The following SYT9 variants were observed in gnomAD, a reference collection of about 807,000 sequenced individuals.
SYT9 encodes synaptotagmin 9.
A neutral mutation model predicts 48.4 loss-of-function variants in SYT9; 22 were observed. That is an observed-to-expected ratio of 0.45 (90% CI 0.32 to 0.65). The LOEUF is 0.65. Among genes scored for constraint, SYT9 ranks in the 30% least tolerant of loss-of-function variants. The pLI, the probability that SYT9 is intolerant of heterozygous loss-of-function variation, is 0.03. For missense variants in SYT9, 577 were observed against 622.0 expected (o/e 0.93, Z 0.77); for synonymous variants, 265 against 245.0 (o/e 1.08, Z -0.76).
chr11:7,378,784 C>T (rs1850502631), intron 3 of SYT9, among the ~76,000 whole-genome samples: 1 of 152,096 alleles, frequency 6.6e-6, no homozygotes, highest in Admixed American at 6.6e-5. Flanking sequence ...GGCATCTTTA[C>T]TAGAGAATCT....
intron 2 of SYT9, among the ~76,000 whole-genome samples, chr11:7,310,444 A>ATTTTTT (rs34469345): frequency 1.7e-5 from 2 of 115,044 alleles, no homozygotes; most frequent in Admixed American, 9.5e-5. Context: ...CATAACTGTG[A>ATTTTTT]TTTTTTTTTT....
chr11:7,365,751 A>C (rs960107279), intron 3 of SYT9, among the ~76,000 whole-genome samples: 1 of 152,090 alleles, frequency 6.6e-6, no homozygotes, highest in Non-Finnish European at 1.5e-5. Flanking sequence ...TGCTTTTTCT[A>C]GTTGCTGTAG....
intron 1 of SYT9, among the ~76,000 whole-genome samples, chr11:7,239,547 T>C (rs1238598613): frequency 6.6e-6 from 1 of 152,174 alleles, no homozygotes; most frequent in Non-Finnish European, 1.5e-5. Flanking sequence ...AAAAAAGTCA[T>C]ACTCCCTCAA....
chr11:7,275,969 C>A (rs1848381699), intron 1 of SYT9, among the ~76,000 whole-genome samples: 1 of 152,118 alleles, frequency 6.6e-6, no homozygotes, highest in South Asian at 2.1e-4. Flanking sequence ...ATTGTTTGCG[C>A]CTCACCCCCA....
chr11:7,416,445 G>A (rs910841130), intron 4 of SYT9, among the ~76,000 whole-genome samples: 3 of 152,062 alleles, frequency 2.0e-5, no homozygotes, highest in African/African-American at 4.8e-5. Flanking sequence ...TATATTAAGT[G>A]CTACATATTG....
intron 1 of SYT9, among the ~76,000 whole-genome samples, chr11:7,270,955 G>A (rs1848285304): frequency 6.6e-6 from 1 of 151,704 alleles, no homozygotes; most frequent in South Asian, 2.1e-4. Context: ...TGAGAAAGAC[G>A]AAGGAAGACT....
intron 3 of SYT9, among the ~76,000 whole-genome samples, chr11:7,378,932 A>G (rs551197589): frequency 0.03 from 4,498 of 152,256 alleles, 222 homozygotes; most frequent in African/African-American, 0.1. Flanking sequence ...TCAAAAGCCG[A>G]TAAAACACAC....
At chr11:7,419,222 G>A (rs1435144600) in intron 5 of SYT9, among the ~76,000 whole-genome samples, 1 of 152,204 alleles carries the variant, frequency 6.6e-6, no homozygotes, top group African/African-American at 2.4e-5. Context: ...TTAAGCTATT[G>A]CCAAGTTTCC....
chr11:7,378,257 A>G (rs983212704), intron 3 of SYT9, among the ~76,000 whole-genome samples: 4 of 152,040 alleles, frequency 2.6e-5, no homozygotes, highest in Non-Finnish European at 4.4e-5. Flanking sequence ...CTGATTGGAG[A>G]ATTGAGTATG....
chr11:7,429,085 G>A (rs1214022569), intron 6 of SYT9, among the ~76,000 whole-genome samples: 1 of 152,126 alleles, frequency 6.6e-6, no homozygotes, highest in East Asian at 1.9e-4. Flanking sequence ...CAGTCCTGTG[G>A]GCACCCATAC....
chr11:7,413,300 G>A (rs1847175190), intron 3 of SYT9, among the ~76,000 whole-genome samples: 1 of 152,226 alleles, frequency 6.6e-6, no homozygotes, highest in Admixed American at 6.5e-5. Flanking sequence ...GGTAGCATCA[G>A]TGGCATCAAA....
In SYT9 at chr11:7,256,971, C is replaced by T. The variant is rs147426718; in HGVS notation, c.145+4640C>T. On this transcript the variant is annotated intron_variant, in intron 1 of 6. Coordinates refer to ENST00000318881, the MANE Select transcript of SYT9 (RefSeq NM_175733.4). ...CTGCACATTAGGAATACTTAGGGAG[C>T]TGGAACAAACAAACAAAGAAAAAAC... 1.3e-3 allele frequency among the ~76,000 whole-genome samples: 197 copies of T among 152,248 alleles called. 1 individual carries two copies. Among genetic ancestry groups the T allele is most frequent in the African/African-American group, 4.6e-3 (192 of 41,550 alleles).
At chr11:7,287,211 G>A (rs1232009439) in intron 1 of SYT9, among the ~76,000 whole-genome samples, 6 of 152,194 alleles carry the variant, frequency 3.9e-5, no homozygotes, top group African/African-American at 9.7e-5. Context: ...TCACATGGCA[G>A]CAGCAAGAAG....
chr11:7,420,751 C>T, intron 6 of SYT9, 116 bp downstream of exon 6: 1 of 1,328,146 alleles, frequency 7.5e-7, no homozygotes, highest in South Asian at 1.5e-5. Flanking sequence ...ACGGGTTTTC[C>T]TGGTTGCATT....
At chr11:7,442,237 A>T (rs1381512726) in intron 6 of SYT9, among the ~76,000 whole-genome samples, 1 of 151,968 alleles carries the variant, frequency 6.6e-6, no homozygotes, top group African/African-American at 2.4e-5. Flanking sequence ...TCCTCTACAG[A>T]CCCAACGCTG....
intron 6 of SYT9, chr11:7,427,125 A>T (rs1279133947): frequency 6.6e-6 from 1 of 152,216 alleles, no homozygotes; most frequent in African/African-American, 2.4e-5. Context: ...TGAGATATAT[A>T]TAGAATGAAT....
chr11:7,424,831 C>T (rs1847423653), intron 6 of SYT9, among the ~76,000 whole-genome samples: 4 of 152,174 alleles, frequency 2.6e-5, no homozygotes, highest in Admixed American at 2.0e-4. Flanking sequence ...TACAAAAGTT[C>T]TGCATGTCTG....
At chr11:7,454,666 C>T (rs1055428683) in intron 6 of SYT9, among the ~76,000 whole-genome samples, 3 of 152,228 alleles carry the variant, frequency 2.0e-5, no homozygotes, top group African/African-American at 7.2e-5. Context: ...CAGAATAACA[C>T]AGCCTCTCAT....
At chr11:7,306,502 ACTC>A (rs1289618514) in intron 2 of SYT9, among the ~76,000 whole-genome samples, 1 of 152,158 alleles carries the variant, frequency 6.6e-6, no homozygotes, top group Non-Finnish European at 1.5e-5. Context: ...TTTAACATGA[ACTC>A]AATAGGAGAC....
Sources: allele counts gnomAD v4.1 joint callset (sites outside exome capture counted in the v4.1 genomes callset), GRCh38; gene constraint gnomAD v4.1.1; transcripts MANE v1.5; gene names NCBI Gene and HGNC (gene_info 2026-07-23, HGNC 2026-07-21).